The following ERBB4 variants were observed in gnomAD, a reference collection of about 807,000 sequenced individuals.
The protein encoded by ERBB4 is erb-b2 receptor tyrosine kinase 4.
ERBB4 carries 42 observed loss-of-function variants against 158.0 expected under a neutral mutation model. The ratio of observed to expected loss-of-function variants is 0.27; its 90% CI spans 0.21 to 0.34. The LOEUF (loss-of-function observed/expected upper bound fraction) is 0.34. Ranked by LOEUF, ERBB4 falls within the 10% of genes least tolerant of loss-of-function variation. ERBB4 has a pLI of 1.00. For missense variants in ERBB4, 1,333 were observed against 1,624.1 expected (o/e 0.82, Z 3.08); for synonymous variants, 583 against 558.7 (o/e 1.04, Z -0.61).
In ERBB4 at chr2:211,704,100, T is replaced by G. The variant is rs1281082455; in HGVS notation, c.1289+4A>C. On this transcript the variant is annotated splice_donor_region_variant and intron_variant, in intron 11 of 27. Transcript: ENST00000342788. ...GCCCTGCAGCTTTAAACATATCCAC[T>G]TACCTATAGAGTACTCTTCCACCAA... The G allele has an allele frequency of 6.4e-7, 1 of 1,553,280 alleles. No homozygotes were observed. Among genetic ancestry groups the G allele is most frequent in the South Asian group, 1.1e-5 (1 of 89,808 alleles).
At chr2:212,528,037 G>C (rs1321961271) in intron 1 of ERBB4, among the ~76,000 whole-genome samples, 1 of 151,892 alleles carries the variant, frequency 6.6e-6, no homozygotes, top group African/African-American at 2.4e-5. Context: ...GTTTTCTCAA[G>C]ATAAGGCTTA....
chr2:212,295,998 T>C (rs1209328236), intron 1 of ERBB4, among the ~76,000 whole-genome samples: 1 of 152,048 alleles, frequency 6.6e-6, no homozygotes, highest in Non-Finnish European at 1.5e-5. Context: ...AATTTGTTTT[T>C]TGAGGTTATC....
intron 1 of ERBB4, among the ~76,000 whole-genome samples, chr2:212,264,298 TA>T: frequency 6.6e-6 from 1 of 152,130 alleles, no homozygotes; most frequent in South Asian, 2.1e-4. Context: ...TGGTCATATT[TA>T]ACCGTGCTGG....
chr2:212,388,493 C>G (rs966816012), intron 1 of ERBB4, among the ~76,000 whole-genome samples: 4 of 151,992 alleles, frequency 2.6e-5, no homozygotes, highest in African/African-American at 9.7e-5. Flanking sequence ...GCTGTTATAC[C>G]TGGAACTGGG....
At chr2:212,265,353 T>C (rs959917627) in intron 1 of ERBB4, among the ~76,000 whole-genome samples, 2 of 152,142 alleles carry the variant, frequency 1.3e-5, no homozygotes, top group Non-Finnish European at 2.9e-5. Flanking sequence ...GGTGAATTAT[T>C]GTACATGTGT....
chr2:211,663,507 C>T (rs1447483720), intron 15 of ERBB4, among the ~76,000 whole-genome samples: 1 of 152,118 alleles, frequency 6.6e-6, no homozygotes, highest in Non-Finnish European at 1.5e-5. Context: ...CTTCATCCTT[C>T]CTTTTGACTG....
rs991733115 is a variant in ERBB4, at chr2:212,434,735, C to G, written c.82+103714G>C. Among the ~76,000 whole-genome samples the G allele has an allele frequency of 2.0e-5, 3 of 151,896 alleles. No homozygotes were observed. In the South Asian group the frequency reaches 6.2e-4, roughly 31 times the overall value. On this transcript the variant is annotated intron_variant, in intron 1 of 27. Coordinates refer to ENST00000342788, the MANE Select transcript of ERBB4 (RefSeq NM_005235.3). ...TTCCAGCAGACACTTCTTTTGTAAT[C>G]TTATAATATGGAATCAGAACAACAA... is the stretch of plus-strand genomic sequence containing the variant.
intron 5 of ERBB4, among the ~76,000 whole-genome samples, chr2:211,739,347 A>T (rs1360845853): frequency 6.6e-6 from 1 of 152,220 alleles, no homozygotes; most frequent in African/African-American, 2.4e-5. Context: ...GATTCCATTT[A>T]ATCAATACCA....
At chr2:212,506,966 A>G (rs1365145871) in intron 1 of ERBB4, among the ~76,000 whole-genome samples, 1 of 152,208 alleles carries the variant, frequency 6.6e-6, no homozygotes, top group Non-Finnish European at 1.5e-5. Flanking sequence ...AAAGAAGTCA[A>G]TGCCTGGCTT....
At chr2:211,904,477 G>A (rs1227528081) in intron 3 of ERBB4, among the ~76,000 whole-genome samples, 2 of 151,990 alleles carry the variant, frequency 1.3e-5, no homozygotes, top group Middle Eastern at 3.4e-3. Context: ...TAATATTTTT[G>A]TATCTCCATT....
intron 3 of ERBB4, among the ~76,000 whole-genome samples, chr2:211,828,665 A>C (rs2077155571): frequency 6.6e-6 from 1 of 152,196 alleles, no homozygotes; most frequent in African/African-American, 2.4e-5. Context: ...TCCCTAGATG[A>C]AACTGAGTGC....
chr2:212,070,525 A>G (rs888172484), intron 2 of ERBB4, among the ~76,000 whole-genome samples: 16 of 152,088 alleles, frequency 1.1e-4, no homozygotes, highest in African/African-American at 3.9e-4. Context: ...AGAGTTCAAA[A>G]ATAAACCCAT....
chr2:212,059,837 C>T (rs564110078), intron 2 of ERBB4, among the ~76,000 whole-genome samples: 4 of 152,286 alleles, frequency 2.6e-5, no homozygotes, highest in East Asian at 1.9e-4. Context: ...ACCATAAAAA[C>T]CCTAGAAGAA....
intron 27 of ERBB4, among the ~76,000 whole-genome samples, chr2:211,385,916 T>C (rs2062675197): frequency 1.3e-5 from 2 of 152,214 alleles, no homozygotes; most frequent in African/African-American, 4.8e-5. Context: ...AAACTCTTCA[T>C]TACATTTTTA....
rs192833440 is a variant in ERBB4 at position 211,756,421 on chromosome 2, T to G, written c.557-5717A>C. Among the ~76,000 whole-genome samples, 148 of 152,264 alleles carry G rather than the reference T, an allele frequency of 9.7e-4. 1 individual carries two copies. Among genetic ancestry groups the G allele is most frequent in the Admixed American group, 4.8e-3 (73 of 15,288 alleles). On this transcript the variant is annotated intron_variant, in intron 4 of 27. Transcript: ENST00000342788. The stretch of plus-strand genomic sequence containing the variant: ...GGGCCATAATGAGTAGTTTAGGGTT[T>G]TTTGAGCATAGTTTGCATGAGTAAT...
At chr2:211,923,063 G>A (rs138267983) in intron 3 of ERBB4, among the ~76,000 whole-genome samples, 34 of 152,194 alleles carry the variant, frequency 2.2e-4, no homozygotes, top group African/African-American at 8.2e-4. Context: ...TAAATTATAG[G>A]TGTACATTTG....
chr2:211,391,052 G>A (rs551103372), intron 25 of ERBB4, among the ~76,000 whole-genome samples: 1 of 152,224 alleles, frequency 6.6e-6, no homozygotes, highest in South Asian at 2.1e-4. Context: ...TATAATTGTT[G>A]TTTAAATATA....
At chr2:212,155,206 C>T (rs188891503) in intron 1 of ERBB4, among the ~76,000 whole-genome samples, 9 of 151,950 alleles carry the variant, frequency 5.9e-5, no homozygotes, top group South Asian at 2.1e-4. Flanking sequence ...AATGTTGATG[C>T]GACAAATAAT....
intron 1 of ERBB4, among the ~76,000 whole-genome samples, chr2:212,364,042 G>A (rs1002329185): frequency 6.6e-6 from 1 of 151,666 alleles, no homozygotes; most frequent in Non-Finnish European, 1.5e-5. Context: ...TGGTAAACTG[G>A]TTAGTTAACT....
Sources: gnomAD v4.1 joint callset for allele counts (sites outside exome capture counted in the v4.1 genomes callset) on GRCh38, gnomAD v4.1.1 for gene constraint, MANE v1.5 for transcripts, NCBI Gene and HGNC (gene_info 2026-07-23, HGNC 2026-07-21) for gene names.